ANK2: variants seen among roughly 807,000 people sequenced by gnomAD.
ANK2 encodes the protein ankyrin 2, also known as ankyrin-2.
ANK2 carries 83 observed loss-of-function variants against 360.5 expected under a neutral mutation model. The ratio of observed to expected loss-of-function variants is 0.23; its 90% CI spans 0.19 to 0.28. The LOEUF is 0.28. ANK2 is among the 10% of genes least tolerant of loss of function. The pLI, the probability that ANK2 is intolerant of heterozygous loss-of-function variation, is 1.00. For missense variants in ANK2, 4,201 were observed against 4,795.7 expected (o/e 0.88, Z 3.66); for synonymous variants, 1,740 against 1,759.5 (o/e 0.99, Z 0.28).
intron 2 of ANK2, among the ~76,000 whole-genome samples, chr4:113,017,794 C>T (rs761858794): frequency 5.9e-5 from 9 of 152,264 alleles, no homozygotes; most frequent in Non-Finnish European, 1.3e-4. Flanking sequence ...ACTCTGACCC[C>T]AATGGTATGT....
intron 1 of ANK2, among the ~76,000 whole-genome samples, chr4:112,876,672 T>G (rs1400745271): frequency 6.6e-6 from 1 of 152,216 alleles, no homozygotes; most frequent in Admixed American, 6.5e-5. Context: ...TTTCCCTGAT[T>G]CTTACTGTTT....
chr4:112,795,008 A>C, the ANK2 span, among the ~76,000 whole-genome samples: 2 of 152,226 alleles, frequency 1.3e-5, no homozygotes, highest in African/African-American at 2.4e-5. Flanking sequence ...TCAAGCAACA[A>C]TAGCAGTATC....
intron 1 of ANK2, among the ~76,000 whole-genome samples, chr4:113,097,840 A>ATGTG (rs541314094): frequency 2.4e-4 from 4 of 16,402 alleles, no homozygotes; most frequent in South Asian, 1.8e-3. Context: ...TTGTATATAT[A>ATGTG]TGTGTGTGTG....
At position 113,055,641 on chromosome 4, in the gene ANK2, C is replaced by T. The variant is rs958808820; in HGVS notation, c.84+5829C>T. Among the ~76,000 whole-genome samples, 7 of 152,324 alleles carry T rather than the reference C, an allele frequency of 4.6e-5. No homozygotes were observed. In the South Asian group the frequency reaches 8.3e-4, roughly 18 times the overall value. ...TTACTCTTATGTCTGGAATCTAGAA[C>T]TGCTTTCACATGCTATCTTATTTGA... On this transcript the variant is annotated intron_variant, in intron 1 of 45. Transcript: ENST00000357077.
chr4:112,916,465 T>G (rs2089876357), intron 2 of ANK2, among the ~76,000 whole-genome samples: 1 of 152,258 alleles, frequency 6.6e-6, no homozygotes. Context: ...GAAACTGATC[T>G]GTAAAAATTT....
At chr4:113,231,112 C>T (rs1228327778) in intron 4 of ANK2, among the ~76,000 whole-genome samples, 3 of 149,062 alleles carry the variant, frequency 2.0e-5, no homozygotes, top group African/African-American at 5.0e-5. Context: ...AGTGCAGTGG[C>T]GCGATCTTGG....
chr4:113,237,380 G>C (rs2099391800), intron 6 of ANK2, among the ~76,000 whole-genome samples: 1 of 152,152 alleles, frequency 6.6e-6, no homozygotes, highest in African/African-American at 2.4e-5. Flanking sequence ...ATGAGGTTGA[G>C]CTTTTTAGAA....
chr4:113,122,858 C>T (rs374378811), intron 1 of ANK2, among the ~76,000 whole-genome samples: 44 of 151,806 alleles, frequency 2.9e-4, no homozygotes, highest in East Asian at 1.3e-3. Context: ...AAATAAATGA[C>T]TTGCATTATT....
At chr4:112,757,570 C>G in the ANK2 span, among the ~76,000 whole-genome samples, 110 of 152,164 alleles carry the variant, frequency 7.2e-4, 4 homozygotes, top group Non-Finnish European at 2.5e-4. Flanking sequence ...AATATAATCT[C>G]CTGTTTTATA....
chr4:113,306,301 T>C (rs943799561), intron 23 of ANK2, among the ~76,000 whole-genome samples: 3 of 152,118 alleles, frequency 2.0e-5, no homozygotes, highest in Admixed American at 6.6e-5. Flanking sequence ...ACAGGGCACA[T>C]AGATTTTAGG....
intron 1 of ANK2, among the ~76,000 whole-genome samples, chr4:113,108,050 G>A (rs1402635548): frequency 6.6e-6 from 1 of 152,084 alleles, no homozygotes; most frequent in Non-Finnish European, 1.5e-5. Context: ...TTGGACATTC[G>A]TTTACCAATG....
intron 1 of ANK2, among the ~76,000 whole-genome samples, chr4:113,086,985 G>A (rs534739790): frequency 6.1e-4 from 93 of 152,290 alleles, no homozygotes; most frequent in Middle Eastern, 6.8e-3. Flanking sequence ...CAGGTATTAT[G>A]TTGGGTGATA....
the ANK2 span, among the ~76,000 whole-genome samples, chr4:112,735,329 TC>T: frequency 7.0e-6 from 1 of 142,386 alleles, no homozygotes; most frequent in Non-Finnish European, 1.5e-5. Flanking sequence ...ATACTCTGTT[TC>T]AAAAATAAAT....
At chr4:112,839,640 CAAAT>C (rs1357628936) in intron 1 of ANK2, among the ~76,000 whole-genome samples, 4 of 152,120 alleles carry the variant, frequency 2.6e-5, no homozygotes, top group African/African-American at 7.2e-5. Flanking sequence ...CACTGCTTCT[CAAAT>C]AAAAGGTGAA....
At chr4:112,902,270 T>C (rs890205727) in intron 1 of ANK2, among the ~76,000 whole-genome samples, 7 of 152,198 alleles carry the variant, frequency 4.6e-5, no homozygotes, top group Admixed American at 3.9e-4. Flanking sequence ...TCTCTTGAAA[T>C]TGGGACTAAA....
chr4:113,038,622 G>A (rs551533338), intron 2 of ANK2, among the ~76,000 whole-genome samples: 5 of 151,988 alleles, frequency 3.3e-5, no homozygotes, highest in African/African-American at 9.6e-5. Flanking sequence ...AGGTGGCGTC[G>A]ATTTCTTCAC....
At chr4:112,764,011 T>C in the ANK2 span, among the ~76,000 whole-genome samples, 2 of 152,188 alleles carry the variant, frequency 1.3e-5, no homozygotes, top group Non-Finnish European at 1.5e-5. Context: ...TGGTGCCATC[T>C]TGGCTCACTG....
chr4:113,239,378 GA>G (rs2099407663), intron 7 of ANK2, among the ~76,000 whole-genome samples: 1 of 151,878 alleles, frequency 6.6e-6, no homozygotes, highest in Admixed American at 6.6e-5. Context: ...CAACTCAATA[GA>G]AAAAAAGTTG....
chr4:112,768,834 G>T, the ANK2 span, among the ~76,000 whole-genome samples: 9 of 152,112 alleles, frequency 5.9e-5, no homozygotes, highest in Non-Finnish European at 1.2e-4. Flanking sequence ...TATCTCAAAA[G>T]GTTTGGACCT....
Sources: gnomAD v4.1 joint callset for allele counts (sites outside exome capture counted in the v4.1 genomes callset) on GRCh38, gnomAD v4.1.1 for gene constraint, MANE v1.5 for transcripts, NCBI Gene and HGNC (gene_info 2026-07-23, HGNC 2026-07-21) for gene names.